The following FOXK2 variants were observed in gnomAD, a reference collection of about 807,000 sequenced individuals.
FOXK2 encodes forkhead box protein K2.
In FOXK2, 24 loss-of-function variants were observed where a neutral mutation model predicts 53.3. That is an observed-to-expected ratio of 0.45 (90% CI 0.33 to 0.63). The LOEUF (loss-of-function observed/expected upper bound fraction) is 0.63, where lower values mean the gene tolerates loss of function less well. Ranked by LOEUF, FOXK2 falls within the 30% of genes least tolerant of loss-of-function variation. The pLI, the probability that FOXK2 is intolerant of heterozygous loss-of-function variation, is 0.03. For synonymous variants in FOXK2, 505 were observed against 407.1 expected (o/e 1.24, Z -2.89); for missense variants, 952 against 910.5 (o/e 1.05, Z -0.59).
rs143857046 is a variant in FOXK2 at position 82,582,867 on chromosome 17, G to C, written c.1036G>C (p.Ala346Pro). 6.2e-7 allele frequency: 1 copy of C among 1,613,418 alleles called. No individual in the cohort carries two copies. The highest frequency in any genetic ancestry group is 8.5e-7 in the Non-Finnish European group (1 of 1,179,896). ...CTCTGAAAGCAAATTAATAGAACAG[G>C]CTTTTAGGAAACGACGGCCTAGGGG... Reference protein sequence around the residue: ...PASESKLIEQAFRKRRPRGVP... With the variant: ...PASESKLIEQPFRKRRPRGVP... Residue 346 changes from alanine to proline, a missense_variant, in exon 5 of 9, where the codon GCT (alanine) becomes CCT (proline). Ala to Pro is a conservative substitution (Grantham distance 27). Transcript: ENST00000335255.
At chr17:82,537,860 T>G (rs1197265789) in intron 1 of FOXK2, among the ~76,000 whole-genome samples, 1 of 147,710 alleles carries the variant, frequency 6.8e-6, no homozygotes, top group African/African-American at 2.5e-5. Context: ...AGGTGGAGGT[T>G]ATAGTGAGCT....
intron 1 of FOXK2, among the ~76,000 whole-genome samples, chr17:82,523,917 A>T (rs2144037417): frequency 6.6e-6 from 1 of 152,318 alleles, no homozygotes; most frequent in South Asian, 2.1e-4. Context: ...AAGTATTATT[A>T]CGAGTCTCAC....
rs571265485 is a variant in FOXK2 at position 82,587,173 on chromosome 17, G to A, written c.1687G>A (p.Ala563Thr). The stretch of plus-strand genomic sequence containing the variant: ...CCAGACGGTGACCATAGTACAACAG[G>A]CACCTCTAGGTCAACACCAGCTACC... Reference protein sequence around the residue: ...PVQTVTIVQQAPLGQHQLPIK... With the variant: ...PVQTVTIVQQTPLGQHQLPIK... Residue 563 changes from alanine (A) to threonine (T), a missense_variant, in exon 8 of 9, where the codon GCA (alanine) becomes ACA (threonine). By Grantham distance (58) the Ala-to-Thr change is moderately conservative. Coordinates refer to ENST00000335255, the MANE Select transcript of FOXK2 (RefSeq NM_004514.4). 1.5e-5 allele frequency: 24 copies of A among 1,613,038 alleles called. No individual in the cohort carries two copies. In the South Asian group the frequency reaches 2.2e-4, roughly 15 times the overall value.
Position 82,571,799 on chromosome 17 carries a change from A to G in FOXK2, c.838A>G (p.Thr280Ala). The G allele has an allele frequency of 1.9e-6, 3 of 1,604,768 alleles. No individual in the cohort carries two copies. Among genetic ancestry groups the G allele is most frequent in the Non-Finnish European group, 2.5e-6 (3 of 1,176,484 alleles). Residue 280 changes from threonine (T) to alanine (A), a missense_variant, in exon 4 of 9, where the codon ACC becomes GCC. Thr to Ala is a moderately conservative substitution (Grantham distance 58). Transcript: ENST00000335255. ...TACGATGGCTCCCGACAAACAGCTC[A>G]CCCTGAACGGGATTTATACACACAT... is the stretch of plus-strand genomic sequence containing the variant. ...AITMAPDKQL[T>A]LNGIYTHITK...
intron 1 of FOXK2, among the ~76,000 whole-genome samples, chr17:82,540,627 C>G (rs2044566118): frequency 1.3e-5 from 2 of 152,166 alleles, no homozygotes; most frequent in African/African-American, 4.8e-5. Flanking sequence ...CACACGCCTG[C>G]CCACTGGATG....
intron 1 of FOXK2, among the ~76,000 whole-genome samples, chr17:82,523,093 G>T (rs1364759437): frequency 6.6e-6 from 1 of 152,018 alleles, no homozygotes; most frequent in Non-Finnish European, 1.5e-5. Flanking sequence ...ACGCCTGGCC[G>T]AATTCAGACC....
intron 1 of FOXK2, chr17:82,559,340 A>G (rs1202884952): frequency 4.4e-6 from 2 of 456,160 alleles, no homozygotes; most frequent in South Asian, 3.1e-5. Flanking sequence ...TGCGGACTCC[A>G]CAGCTGCGCT....
intron 1 of FOXK2, among the ~76,000 whole-genome samples, chr17:82,542,286 C>T (rs754119652): frequency 5.4e-4 from 82 of 151,942 alleles, no homozygotes; most frequent in African/African-American, 1.8e-3. Context: ...CTCAGCCTCC[C>T]GAGTAGCTGG....
intron 3 of FOXK2, among the ~76,000 whole-genome samples, chr17:82,568,847 C>CA (rs139266207): frequency 0.19 from 27,943 of 150,124 alleles, 2,898 homozygotes; most frequent in Non-Finnish European, 0.24. Flanking sequence ...CCGCTTCTAC[C>CA]AAAAAAAAAT....
Position 82,587,435 on chromosome 17 carries a change from G to A in FOXK2, c.1786+163G>A, listed in dbSNP as rs144727860. ...ATCTAGTCATGCTGGGGAAGTGGTC[G>A]TGGAGTCGGCCGTCATGGGATTCCC... On this transcript the variant is annotated intron_variant, in intron 8 of 8. Transcript: ENST00000335255. 1,403 of 654,420 alleles carry A rather than the reference G, an allele frequency of 2.1e-3. 9 individuals carry two copies. The highest frequency in any genetic ancestry group is 0.019 in the African/African-American group (1,047 of 55,886). The allele number at this position is 654,420 out of a possible 1,614,324, so 40.5% of individuals were successfully genotyped here.
At chr17:82,522,620 C>G (rs1179481270) in intron 1 of FOXK2, among the ~76,000 whole-genome samples, 1 of 151,880 alleles carries the variant, frequency 6.6e-6, no homozygotes, top group Non-Finnish European at 1.5e-5. Context: ...ATCTGCCCGC[C>G]TCGGCCTCCC....
chr17:82,570,958 C>T (rs1323937360), intron 3 of FOXK2, among the ~76,000 whole-genome samples: 2 of 152,112 alleles, frequency 1.3e-5, no homozygotes, highest in Non-Finnish European at 1.5e-5. Context: ...CTTCGTGGGC[C>T]AGGGGGCTCC....
At chr17:82,534,745 C>T (rs2044504482) in intron 1 of FOXK2, among the ~76,000 whole-genome samples, 1 of 152,198 alleles carries the variant, frequency 6.6e-6, no homozygotes, top group Admixed American at 6.5e-5. Context: ...CAGATGGTAA[C>T]GAACTCGTTG....
intron 4 of FOXK2, among the ~76,000 whole-genome samples, chr17:82,578,821 G>T (rs2045022351): frequency 6.6e-6 from 1 of 152,226 alleles, no homozygotes; most frequent in South Asian, 2.1e-4. Flanking sequence ...AAGTGATGGT[G>T]GTGGTGACGC....
At chr17:82,596,548 C>CCCTGGT (rs148863057) in intron 8 of FOXK2, among the ~76,000 whole-genome samples, 9 of 152,062 alleles carry the variant, frequency 5.9e-5, no homozygotes, top group South Asian at 4.1e-4. Context: ...GCACTTTCTG[C>CCCTGGT]GGGCAGTCTG....
At chr17:82,547,438 T>A (rs1322170542) in intron 1 of FOXK2, among the ~76,000 whole-genome samples, 1 of 151,556 alleles carries the variant, frequency 6.6e-6, no homozygotes, top group East Asian at 2.0e-4. Context: ...AAAGCCATCC[T>A]GGGCTGCATG....
At chr17:82,554,844 A>G (rs2044708350) in intron 1 of FOXK2, among the ~76,000 whole-genome samples, 1 of 150,980 alleles carries the variant, frequency 6.6e-6, no homozygotes, top group Non-Finnish European at 1.5e-5. Context: ...TCCCACGTTC[A>G]AGCAATTCTT....
intron 1 of FOXK2, among the ~76,000 whole-genome samples, chr17:82,524,726 G>C (rs545132802): frequency 1.3e-5 from 2 of 152,204 alleles, no homozygotes; most frequent in Non-Finnish European, 2.9e-5. Flanking sequence ...GACCTGAGGC[G>C]CAGGTGTTCC....
Position 82,601,422 on chromosome 17 carries a change from G to T in FOXK2, c.1906G>T (p.Asp636Tyr), listed in dbSNP as rs746768690. 3.7e-6 allele frequency: 6 copies of T among 1,612,940 alleles called. No homozygotes were observed. Among genetic ancestry groups the T allele is most frequent in the Non-Finnish European group, 5.1e-6 (6 of 1,180,026 alleles). The change falls in exon 9 of 9, where the codon GAC becomes TAC. Residue 636 changes from aspartate to tyrosine, a missense_variant. Coordinates refer to ENST00000335255, the MANE Select transcript of FOXK2 (RefSeq NM_004514.4). ...GGAGCTGAAGCGGATCAAGACAGAA[G>T]ACGGCGAGGGCATCGTCATTGCCCT... ...QPELKRIKTE[D>Y]GEGIVIALSV...
Sources: gnomAD v4.1 joint callset for allele counts (sites outside exome capture counted in the v4.1 genomes callset) on GRCh38, gnomAD v4.1.1 for gene constraint, MANE v1.5 for transcripts, NCBI Gene and HGNC (gene_info 2026-07-23, HGNC 2026-07-21) for gene names.